SGCZ: variants seen among roughly 807,000 people sequenced by gnomAD.
SGCZ encodes the protein sarcoglycan zeta.
SGCZ carries 40 observed loss-of-function variants against 41.3 expected under a neutral mutation model. The ratio of observed to expected loss-of-function variants is 0.97; its 90% CI spans 0.75 to 1.26. The LOEUF (loss-of-function observed/expected upper bound fraction) is 1.26, where lower values mean the gene tolerates loss of function less well. Among genes scored for constraint, SGCZ ranks in the 50% most tolerant of loss-of-function variants. The pLI is 0.00. For missense variants in SGCZ, 552 were observed against 369.8 expected (o/e 1.49, Z -4.04); for synonymous variants, 206 against 137.5 (o/e 1.50, Z -3.49).
chr8:14,471,785 T>C (rs1393094152), intron 2 of SGCZ, among the ~76,000 whole-genome samples: 4 of 152,084 alleles, frequency 2.6e-5, no homozygotes, highest in Non-Finnish European at 4.4e-5. Context: ...AATTTAAACA[T>C]GAAATACATA....
intron 1 of SGCZ, among the ~76,000 whole-genome samples, chr8:15,202,857 T>A (rs1188097412): frequency 2.0e-5 from 3 of 152,066 alleles, no homozygotes; most frequent in Non-Finnish European, 4.4e-5. Context: ...ACACCTATAA[T>A]CCCAGAACGT....
chr8:14,847,571 C>T (rs1015824180), intron 1 of SGCZ, among the ~76,000 whole-genome samples: 2 of 148,964 alleles, frequency 1.3e-5, no homozygotes, highest in African/African-American at 5.0e-5. Flanking sequence ...AATAAAATGT[C>T]TTTTTCTATT....
At chr8:14,603,019 A>G (rs1015024781) in intron 1 of SGCZ, among the ~76,000 whole-genome samples, 5 of 152,120 alleles carry the variant, frequency 3.3e-5, no homozygotes, top group Admixed American at 3.3e-4. Context: ...ATCTAGGAAA[A>G]CATTCAGGCA....
At chr8:14,371,034 T>C (rs1458191576) in intron 2 of SGCZ, among the ~76,000 whole-genome samples, 1 of 152,006 alleles carries the variant, frequency 6.6e-6, no homozygotes, top group Admixed American at 6.6e-5. Context: ...AAAAGATGCA[T>C]AATTTTTACC....
At chr8:15,194,790 C>A (rs922658946) in intron 1 of SGCZ, among the ~76,000 whole-genome samples, 1 of 151,804 alleles carries the variant, frequency 6.6e-6, no homozygotes, top group African/African-American at 2.4e-5. Flanking sequence ...CAGAAAGCAG[C>A]CCTGCTGAAA....
intron 4 of SGCZ, among the ~76,000 whole-genome samples, chr8:14,191,887 C>G (rs145569798): frequency 1.1e-3 from 171 of 152,064 alleles, no homozygotes; most frequent in African/African-American, 3.9e-3. Flanking sequence ...ATTCCTCAAC[C>G]TAGTCATAAT....
At chr8:14,502,518 A>G (rs1802183106) in intron 2 of SGCZ, among the ~76,000 whole-genome samples, 1 of 152,096 alleles carries the variant, frequency 6.6e-6, no homozygotes, top group Non-Finnish European at 1.5e-5. Context: ...TTTAAAGTAT[A>G]CTGCTAATAA....
chr8:14,693,212 A>G (rs990879857), intron 1 of SGCZ, among the ~76,000 whole-genome samples: 4 of 152,200 alleles, frequency 2.6e-5, no homozygotes, highest in African/African-American at 9.6e-5. Flanking sequence ...TTAATTGAAT[A>G]TTCTAATCTG....
intron 1 of SGCZ, among the ~76,000 whole-genome samples, chr8:15,175,543 A>T (rs117243462): frequency 0.025 from 3,825 of 152,160 alleles, 72 homozygotes; most frequent in Non-Finnish European, 0.04. Context: ...TGGAGGATGG[A>T]GGGTAGGAGG....
intron 4 of SGCZ, among the ~76,000 whole-genome samples, chr8:14,197,799 T>C (rs1165376463): frequency 2.0e-5 from 3 of 151,920 alleles, no homozygotes; most frequent in Non-Finnish European, 4.4e-5. Flanking sequence ...ACACTAGAGG[T>C]CTTAGCCAGA....
intron 2 of SGCZ, among the ~76,000 whole-genome samples, chr8:14,353,252 A>G (rs958372950): frequency 6.6e-6 from 1 of 152,150 alleles, no homozygotes; most frequent in African/African-American, 2.4e-5. Flanking sequence ...ACTAGTAGAT[A>G]GAAACTAACA....
intron 6 of SGCZ, among the ~76,000 whole-genome samples, chr8:14,105,552 T>G (rs907855489): frequency 6.6e-6 from 1 of 152,130 alleles, no homozygotes; most frequent in Non-Finnish European, 1.5e-5. Context: ...GACACCCTGC[T>G]TTTAATTTTC....
At chr8:14,285,006 C>G (rs1278783274) in intron 3 of SGCZ, among the ~76,000 whole-genome samples, 2 of 152,072 alleles carry the variant, frequency 1.3e-5, no homozygotes, top group Non-Finnish European at 2.9e-5. Context: ...TATCTTCCAT[C>G]AAATTTTCCC....
At chr8:14,274,540 C>T (rs1219167374) in intron 3 of SGCZ, among the ~76,000 whole-genome samples, 3 of 152,108 alleles carry the variant, frequency 2.0e-5, no homozygotes, top group Non-Finnish European at 4.4e-5. Context: ...TTTTCTAGTG[C>T]TATAAGGATT....
intron 1 of SGCZ, among the ~76,000 whole-genome samples, chr8:14,856,125 G>A (rs1299625509): frequency 6.6e-6 from 1 of 152,194 alleles, no homozygotes; most frequent in Non-Finnish European, 1.5e-5. Context: ...ATTAAGGATG[G>A]TGGCTAGGAT....
Position 14,815,637 on chromosome 8 carries a change from T to C in SGCZ, c.40-260711A>G, listed in dbSNP as rs530474815. On this transcript the variant is annotated intron_variant, in intron 1 of 7. Coordinates refer to ENST00000382080, the MANE Select transcript of SGCZ (RefSeq NM_139167.4). The stretch of plus-strand genomic sequence containing the variant: ...TATGTATAGAAATATGCAGTACCTA[T>C]TCCTGTTCAAACTACTATGTCATTA... Among the ~76,000 whole-genome samples, 4 of 152,320 alleles carry C rather than the reference T, an allele frequency of 2.6e-5. No homozygotes were observed. The South Asian group carries it at 8.3e-4, about 32-fold the overall frequency.
At chr8:15,205,255 T>A (rs960703483) in intron 1 of SGCZ, among the ~76,000 whole-genome samples, 2 of 151,954 alleles carry the variant, frequency 1.3e-5, no homozygotes, top group Non-Finnish European at 1.5e-5. Context: ...AATTGACAAG[T>A]GGGATGTAAT....
At chr8:14,970,109 C>T (rs766920069) in intron 1 of SGCZ, among the ~76,000 whole-genome samples, 1 of 152,094 alleles carries the variant, frequency 6.6e-6, no homozygotes, top group Non-Finnish European at 1.5e-5. Flanking sequence ...TATGTCATTG[C>T]AGTTTTAATT....
intron 2 of SGCZ, among the ~76,000 whole-genome samples, chr8:14,526,387 A>G (rs1448501493): frequency 6.6e-6 from 1 of 152,142 alleles, no homozygotes; most frequent in Non-Finnish European, 1.5e-5. Context: ...AAAGATTAGA[A>G]TATTAGCTTA....
Sources: gnomAD v4.1 joint callset for allele counts (sites outside exome capture counted in the v4.1 genomes callset) on GRCh38, gnomAD v4.1.1 for gene constraint, MANE v1.5 for transcripts, NCBI Gene and HGNC (gene_info 2026-07-23, HGNC 2026-07-21) for gene names.